GAR1: variants seen among roughly 807,000 people sequenced by gnomAD.
GAR1 encodes GAR1 ribonucleoprotein.
In GAR1, 11 loss-of-function variants were observed where a neutral mutation model predicts 29.3. The observed-to-expected ratio is 0.38, with a 90% CI of 0.24 to 0.62. GAR1 has a LOEUF of 0.62. Among genes scored for constraint, GAR1 ranks in the 20% least tolerant of loss-of-function variants. The pLI, the probability that GAR1 is intolerant of heterozygous loss-of-function variation, is 0.62. For synonymous variants in GAR1, 87 were observed against 93.3 expected (o/e 0.93, Z 0.39); for missense variants, 237 against 268.4 (o/e 0.88, Z 0.82).
intron 5 of GAR1, among the ~76,000 whole-genome samples, chr4:109,823,624 CA>C (rs1219108374): frequency 1.3e-5 from 2 of 151,956 alleles, no homozygotes; most frequent in African/African-American, 4.8e-5. Context: ...TTAGTTGAAT[CA>C]AAAAAGTATT....
At chr4:109,819,579 C>T (rs150521927) in intron 4 of GAR1, 2,067 of 153,526 alleles carry the variant, frequency 0.013, 166 homozygotes, top group Admixed American at 0.12. Context: ...GTGATTTCCA[C>T]ACCTGGTTGC....
chr4:109,822,783 ATAT>A (rs1387433028), intron 5 of GAR1, among the ~76,000 whole-genome samples: 1 of 152,200 alleles, frequency 6.6e-6, no homozygotes, highest in Non-Finnish European at 1.5e-5. Context: ...TCCTTAGTTA[ATAT>A]TATTGAGTGT....
At chr4:109,822,297 A>G (rs1050092928) in intron 4 of GAR1, 50 bp from the exon 5 acceptor site, 2 of 1,137,060 alleles carry the variant, frequency 1.8e-6, no homozygotes. Context: ...TAATGATTAT[A>G]TTATACTGTC....
chr4:109,816,431 G>T, intron 2 of GAR1, 53 bp downstream of exon 2: 2 of 1,551,100 alleles, frequency 1.3e-6, no homozygotes, highest in Admixed American at 1.7e-5. Flanking sequence ...TGGGTTGGGG[G>T]TTTGTGTTGT....
Position 109,818,884 on chromosome 4 carries a change from T to A in GAR1, c.370-117T>A, listed in dbSNP as rs1733427589. 1.2e-5 allele frequency: 7 copies of A among 599,988 alleles called. No individual in the cohort carries two copies. The South Asian group carries it at 1.6e-4, about 13-fold the overall frequency. 37.2% of individuals were successfully genotyped at this position (599,988 alleles called of 1,614,324 possible). A position where few individuals can be genotyped will look rare whatever the true frequency, so the allele number is the denominator to read the frequency against. ...CCAGCCCCTGGAAATTCATTTCTTA[T>A]CTTTCCTATATATATCCATACATTC... is the stretch of plus-strand genomic sequence containing the variant. On this transcript the variant is annotated intron_variant, in intron 3 of 6. Coordinates refer to ENST00000226796, the MANE Select transcript of GAR1 (RefSeq NM_018983.4).
intron 6 of GAR1, among the ~76,000 whole-genome samples, 172 bp from the exon 7 acceptor site, chr4:109,824,246 T>A (rs1733594114): frequency 6.6e-6 from 1 of 152,156 alleles, no homozygotes; most frequent in South Asian, 2.1e-4. Flanking sequence ...TTGTTTTGCT[T>A]TATTATTAAT....
intron 1 of GAR1, 107 bp from the exon 2 acceptor site, chr4:109,816,046 G>T: frequency 9.4e-7 from 1 of 1,061,688 alleles, no homozygotes. Context: ...TGAGGTGACA[G>T]GGCTGCTTTT....
chr4:109,820,686 G>A (rs894866907), intron 4 of GAR1, among the ~76,000 whole-genome samples: 1 of 152,150 alleles, frequency 6.6e-6, no homozygotes, highest in African/African-American at 2.4e-5. Flanking sequence ...GTGTTCATTG[G>A]AAGACAGCCA....
chr4:109,824,593 A>G lies in GAR1; in HGVS notation c.*162A>G. On this transcript the variant is annotated 3_prime_UTR_variant, in exon 7 of 7. Coordinates refer to ENST00000226796, the MANE Select transcript of GAR1 (RefSeq NM_018983.4). ...AGCATCATGCAAAGTGCAACGGAAT[A>G]GTGAATTTTGCTCTAAAAGAGCATG... 1.6e-6 allele frequency: 1 copy of G among 618,630 alleles called. No homozygotes were observed. Among genetic ancestry groups the G allele is most frequent in the East Asian group, 2.8e-5 (1 of 35,864 alleles). The allele number at this position is 618,630 out of a possible 1,614,324, so 38.3% of individuals were successfully genotyped here. A position where few individuals can be genotyped will look rare whatever the true frequency, so the allele number is the denominator to read the frequency against.
At position 109,816,176 on chromosome 4, in the gene GAR1, A is replaced by C. The variant is rs911721637; in HGVS notation, c.12A>C (p.Arg4=). ...AGGGAGGAGAGAGAATGTCTTTTCGAGGCGGAGGTCGTGGAGGCTTTAATC... is the reference window on the plus strand; with the variant it reads ...AGGGAGGAGAGAGAATGTCTTTTCGCGGCGGAGGTCGTGGAGGCTTTAATC... The part of the protein sequence containing the change: MSF[R]GGGRGGFNRG... The change falls in exon 2 of 7, where the codon CGA becomes CGC. Residue 4 remains arginine (R), a synonymous_variant. Coordinates refer to ENST00000226796, the MANE Select transcript of GAR1 (RefSeq NM_018983.4). The C allele has an allele frequency of 6.2e-7, 1 of 1,611,312 alleles. No individual in the cohort carries two copies. Among genetic ancestry groups the C allele is most frequent in the Non-Finnish European group, 8.5e-7 (1 of 1,179,594 alleles).
chr4:109,816,221 C>T lies in GAR1; in HGVS notation c.57C>T (p.Gly19=), dbSNP rs201651562. Residue 19 remains glycine (G), a synonymous_variant, in exon 2 of 7, where the codon GGC becomes GGT. Transcript: ENST00000226796. ...GGFNRGGGGG[G]FNRGGSSNHF... is the part of the protein sequence containing the mutation. Reference sequence around the variant, plus strand: ...TTAATCGAGGTGGTGGAGGTGGCGGCTTCAACCGAGGTGGCAGCAGCAACC... The same window carrying T: ...TTAATCGAGGTGGTGGAGGTGGCGGTTTCAACCGAGGTGGCAGCAGCAACC... The T allele has an allele frequency of 2.5e-6, 4 of 1,610,136 alleles. No homozygotes were observed. Among genetic ancestry groups the T allele is most frequent in the Admixed American group, 3.3e-5 (2 of 59,816 alleles).
At position 109,822,892 on chromosome 4, in the gene GAR1, T is replaced by C. The variant is rs1579354822; in HGVS notation, c.571+404T>C. ...CCTTTTGAGATAGATGATATCCTTA[T>C]TTTATGAATGAGGAAACGGAGACTT... On this transcript the variant is annotated intron_variant, in intron 5 of 6. Coordinates refer to ENST00000226796, the MANE Select transcript of GAR1 (RefSeq NM_018983.4). Among the ~76,000 whole-genome samples the C allele has an allele frequency of 2.0e-5, 3 of 152,370 alleles. No individual in the cohort carries two copies. In the East Asian group the frequency reaches 5.8e-4, roughly 29 times the overall value.
intron 2 of GAR1, 148 bp downstream of exon 2, chr4:109,816,526 T>C: frequency 1.3e-6 from 1 of 750,252 alleles, no homozygotes. Flanking sequence ...AGCTGAGGGA[T>C]ACTTAGAATG....
At chr4:109,817,263 T>C (rs1733380410) in intron 2 of GAR1, among the ~76,000 whole-genome samples, 1 of 152,208 alleles carries the variant, frequency 6.6e-6, no homozygotes, top group African/African-American at 2.4e-5. Flanking sequence ...TCGGTAGAAC[T>C]TAGCTAATGC....
chr4:109,817,659 T>C (rs895540783), intron 2 of GAR1, among the ~76,000 whole-genome samples: 6 of 152,246 alleles, frequency 3.9e-5, no homozygotes, highest in Admixed American at 2.6e-4. Flanking sequence ...CTTACATTAC[T>C]GTATATTAGG....
rs778165290 is a variant in GAR1, at chr4:109,819,211, A to G, written c.429+151A>G. ...GTTCCATGCTATAAATATTGAACACACTAATCTTTAAAAGTGATTTATTTG... is the reference window on the plus strand; with the variant it reads ...GTTCCATGCTATAAATATTGAACACGCTAATCTTTAAAAGTGATTTATTTG... On this transcript the variant is annotated intron_variant, in intron 4 of 6. Coordinates refer to ENST00000226796, the MANE Select transcript of GAR1 (RefSeq NM_018983.4). The G allele has an allele frequency of 1.3e-5, 9 of 674,782 alleles. 1 individual carries two copies. In the South Asian group the frequency reaches 1.4e-4, roughly 10 times the overall value. 41.8% of individuals were successfully genotyped at this position (674,782 alleles called of 1,614,324 possible).
intron 4 of GAR1, among the ~76,000 whole-genome samples, chr4:109,822,022 A>T (rs1208622331): frequency 1.3e-5 from 2 of 152,014 alleles, no homozygotes; most frequent in Admixed American, 6.6e-5. Context: ...AGGGAGAGCA[A>T]TAGGGCAAAT....
intron 3 of GAR1, among the ~76,000 whole-genome samples, chr4:109,818,465 TTCTTTCTTTCTCTC>T (rs1733411799): frequency 6.7e-6 from 1 of 149,420 alleles, no homozygotes; most frequent in Admixed American, 6.6e-5. Context: ...CTTTCTCTCT[TTCTTTCTTTCTCTC>T]TCTTTCTCTC....
intron 3 of GAR1, among the ~76,000 whole-genome samples, chr4:109,818,634 A>G (rs1470879438): frequency 1.5e-5 from 2 of 137,498 alleles, no homozygotes; most frequent in Non-Finnish European, 3.0e-5. Flanking sequence ...GCACGATCTC[A>G]TCTCACTACA....
Sources: allele counts gnomAD v4.1 joint callset (sites outside exome capture counted in the v4.1 genomes callset), GRCh38; gene constraint gnomAD v4.1.1; transcripts MANE v1.5; gene names NCBI Gene and HGNC (gene_info 2026-07-23, HGNC 2026-07-21).